Variants in STEAP4 observed in about 807,000 individuals in gnomAD.
The protein encoded by STEAP4 is metalloreductase STEAP4.
STEAP4 carries 36 observed loss-of-function variants against 43.6 expected under a neutral mutation model. The observed-to-expected ratio is 0.83, with a 90% CI of 0.63 to 1.09. The LOEUF (loss-of-function observed/expected upper bound fraction) is 1.09. Ranked by LOEUF, STEAP4 falls within the 50% of genes least tolerant of loss-of-function variation. STEAP4 has a pLI of 0.00. For missense variants in STEAP4, 495 were observed against 546.5 expected, an observed-to-expected ratio of 0.91 and a Z score of 0.94; for synonymous variants, 191 against 196.7, an observed-to-expected ratio of 0.97 and a Z score of 0.24.
chr7:88,293,961 T>C (rs1379834232), intron 1 of STEAP4, among the ~76,000 whole-genome samples: 1 of 152,130 alleles, frequency 6.6e-6, no homozygotes, highest in Non-Finnish European at 1.5e-5. Context: ...TTGTCATAAA[T>C]TTTAAAAAAT....
In STEAP4 at chr7:88,284,027, G is replaced by A; in HGVS notation, c.243C>T (p.Ile81=). ...AKKSGIIIIA[I]HREHYDFLTE... is the part of the protein sequence containing the mutation. ...TGAGAAAATCATAATGCTCTCTGTGGATTGCTATGATTATGATGCCAGACT... is the reference window on the plus strand; with the variant it reads ...TGAGAAAATCATAATGCTCTCTGTGAATTGCTATGATTATGATGCCAGACT... Residue 81 remains isoleucine, a synonymous_variant, in exon 2 of 5, where the codon ATC becomes ATT. Transcript: ENST00000380079. The A allele has an allele frequency of 1.9e-6, 3 of 1,614,084 alleles. No homozygotes were observed. The highest frequency in any genetic ancestry group is 2.5e-6 in the Non-Finnish European group (3 of 1,180,018).
rs562575032 is a variant in STEAP4 at position 88,306,698 on chromosome 7, T to G, written c.-3+94A>C. 122 of 152,636 alleles carry G rather than the reference T, an allele frequency of 8.0e-4. 1 individual carries two copies. Among genetic ancestry groups the G allele is most frequent in the African/African-American group, 2.8e-3 (116 of 41,570 alleles). 9.5% of individuals were successfully genotyped at this position (152,636 alleles called of 1,614,324 possible). A position where few individuals can be genotyped will look rare whatever the true frequency, so the allele number is the denominator to read the frequency against. ...GAGTTTGCAAGCACCTGTTCTTCAG[T>G]GCGATGGGCTGGGGAGTGGGGTCCT... On this transcript the variant is annotated intron_variant, in intron 1 of 4. Coordinates refer to ENST00000380079, the MANE Select transcript of STEAP4 (RefSeq NM_024636.4).
At position 88,300,509 on chromosome 7, in the gene STEAP4, C is replaced by T. The variant is rs572578941; in HGVS notation, c.-3+6283G>A. On this transcript the variant is annotated intron_variant, in intron 1 of 4. Coordinates refer to ENST00000380079, the MANE Select transcript of STEAP4 (RefSeq NM_024636.4). ...TTTGCCCACCTTTGGCCTCCCAAAG[C>T]GCTAGAATTACAGGTATGAGCCACT... Among the ~76,000 whole-genome samples the T allele has an allele frequency of 1.3e-4, 20 of 152,242 alleles. No individual in the cohort carries two copies. In the East Asian group the frequency reaches 1.9e-3, roughly 15 times the overall value.
chr7:88,299,698 A>T (rs1225515288), intron 1 of STEAP4, among the ~76,000 whole-genome samples: 1 of 152,202 alleles, frequency 6.6e-6, no homozygotes, highest in African/African-American at 2.4e-5. Context: ...TTCAATTTTG[A>T]ATTAACTTTG....
intron 1 of STEAP4, among the ~76,000 whole-genome samples, chr7:88,305,677 T>C (rs1338524011): frequency 2.0e-5 from 3 of 152,206 alleles, no homozygotes; most frequent in Middle Eastern, 3.2e-3. Context: ...AAATGGAACA[T>C]GCATTATTAT....
intron 1 of STEAP4, among the ~76,000 whole-genome samples, chr7:88,289,472 T>C (rs1006627319): frequency 6.6e-6 from 1 of 152,234 alleles, no homozygotes; most frequent in Non-Finnish European, 1.5e-5. Flanking sequence ...ACAGTGTATG[T>C]AGAGTTTGCA....
intron 1 of STEAP4, among the ~76,000 whole-genome samples, chr7:88,293,587 T>C (rs753671278): frequency 6.6e-6 from 1 of 152,196 alleles, no homozygotes. Context: ...TATAAGTCTA[T>C]GATCCATTTT....
At chr7:88,298,609 T>C (rs1295870361) in intron 1 of STEAP4, among the ~76,000 whole-genome samples, 1 of 152,012 alleles carries the variant, frequency 6.6e-6, no homozygotes, top group Non-Finnish European at 1.5e-5. Context: ...CATGTGCACT[T>C]CTCATAAGTT....
At position 88,273,660 on chromosome 7, in the gene STEAP4, A is replaced by T. The variant is rs887877276; in HGVS notation, c.*5738T>A. ...CAATAAGGTGAGAAACCAGGGAAAA[A>T]GAAAATATTTGCCTTTAAGCTCTGG... is the stretch of plus-strand genomic sequence containing the variant. On this transcript the variant is annotated 3_prime_UTR_variant, in exon 5 of 5. Transcript: ENST00000380079. 7 of 152,212 alleles carry T rather than the reference A, an allele frequency of 4.6e-5. No homozygotes were observed. Among genetic ancestry groups the T allele is most frequent in the African/African-American group, 1.7e-4 (7 of 41,454 alleles). The allele number at this position is 152,212 out of a possible 1,614,324, so 9.4% of individuals were successfully genotyped here. A position where few individuals can be genotyped will look rare whatever the true frequency, so the allele number is the denominator to read the frequency against.
At chr7:88,301,435 G>A (rs1015661377) in intron 1 of STEAP4, among the ~76,000 whole-genome samples, 4 of 152,066 alleles carry the variant, frequency 2.6e-5, no homozygotes, top group Non-Finnish European at 5.9e-5. Flanking sequence ...ACTACACCTA[G>A]CTAACGTTTT....
intron 1 of STEAP4, among the ~76,000 whole-genome samples, chr7:88,296,082 C>T (rs1289871767): frequency 6.6e-6 from 1 of 152,076 alleles, no homozygotes; most frequent in African/African-American, 2.4e-5. Flanking sequence ...ATAACTCTCT[C>T]AAGGAAACCT....
At chr7:88,289,766 G>T (rs1852805509) in intron 1 of STEAP4, among the ~76,000 whole-genome samples, 1 of 152,248 alleles carries the variant, frequency 6.6e-6, no homozygotes, top group African/African-American at 2.4e-5. Context: ...ATGACCACAT[G>T]TGGGGAAGTA....
intron 1 of STEAP4, among the ~76,000 whole-genome samples, chr7:88,293,345 T>G (rs928905977): frequency 6.6e-6 from 1 of 152,216 alleles, no homozygotes; most frequent in Non-Finnish European, 1.5e-5. Flanking sequence ...TCTTTATATA[T>G]TCTACATATG....
In STEAP4 at chr7:88,277,543, TTGATG is replaced by T. The variant is rs1852532447; in HGVS notation, c.*1850_*1854del. The T allele has an allele frequency of 1.3e-5, 2 of 152,140 alleles. No individual in the cohort carries two copies. Among genetic ancestry groups the T allele is most frequent in the Non-Finnish European group, 2.9e-5 (2 of 68,018 alleles). 9.4% of individuals were successfully genotyped at this position (152,140 alleles called of 1,614,324 possible). Reference sequence around the variant, plus strand: ...GGAAAGAGGTTTGAAAAATGCCTATTTGATGTGATATTATGCAGCCATTAAGAAAA... The same window carrying T: ...GGAAAGAGGTTTGAAAAATGCCTATTTGATATTATGCAGCCATTAAGAAAA... On this transcript the variant is annotated 3_prime_UTR_variant, in exon 5 of 5. Transcript: ENST00000380079.
At chr7:88,306,209 T>C (rs182455889) in intron 1 of STEAP4, among the ~76,000 whole-genome samples, 2 of 152,152 alleles carry the variant, frequency 1.3e-5, no homozygotes, top group African/African-American at 2.4e-5. Context: ...TAAATTACCA[T>C]CTAGAGGTGG....
intron 1 of STEAP4, among the ~76,000 whole-genome samples, chr7:88,306,113 T>C (rs10253031): frequency 0.011 from 1,649 of 152,274 alleles, 31 homozygotes; most frequent in African/African-American, 0.038. Context: ...AAGTGATCCA[T>C]CGGCCTTGGC....
chr7:88,285,264 C>T (rs147198343), intron 1 of STEAP4, among the ~76,000 whole-genome samples: 373 of 152,096 alleles, frequency 2.5e-3, no homozygotes, highest in African/African-American at 8.3e-3. Flanking sequence ...AAAATAAAGA[C>T]AATATGTAAC....
At chr7:88,282,477 TA>T in intron 3 of STEAP4, 163 bp downstream of exon 3, 1 of 759,568 alleles carries the variant, frequency 1.3e-6, no homozygotes, top group Non-Finnish European at 2.1e-6. Flanking sequence ...GTATGAGATC[TA>T]AACTGGATTC....
At position 88,275,165 on chromosome 7, in the gene STEAP4, C is replaced by G. The variant is rs1380161442; in HGVS notation, c.*4233G>C. 1 of 152,466 alleles carries G rather than the reference C, an allele frequency of 6.6e-6. No individual in the cohort carries two copies. Among genetic ancestry groups the G allele is most frequent in the East Asian group, 1.9e-4 (1 of 5,200 alleles). The allele number at this position is 152,466 out of a possible 1,614,324, so 9.4% of individuals were successfully genotyped here. A position where few individuals can be genotyped will look rare whatever the true frequency, so the allele number is the denominator to read the frequency against. On this transcript the variant is annotated 3_prime_UTR_variant, in exon 5 of 5. Coordinates refer to ENST00000380079, the MANE Select transcript of STEAP4 (RefSeq NM_024636.4). ...GGAGTGCAATGGCGCGATCTTGGCT[C>G]ATTGTAACCTCTGCTTCCTGGGTCC...
Sources: gnomAD v4.1 joint callset for allele counts (sites outside exome capture counted in the v4.1 genomes callset) on GRCh38, gnomAD v4.1.1 for gene constraint, MANE v1.5 for transcripts, NCBI Gene and HGNC (gene_info 2026-07-23, HGNC 2026-07-21) for gene names.